CYLC2: variants seen among roughly 807,000 people sequenced by gnomAD.
The protein encoded by CYLC2 is cylicin 2, also known as cylicin-2.
Under a neutral mutation model 26.1 loss-of-function variants are expected in CYLC2, and 30 were observed. The ratio of observed to expected loss-of-function variants is 1.15; its 90% CI spans 0.86 to 1.56. The LOEUF (loss-of-function observed/expected upper bound fraction) is 1.56, where lower values mean the gene tolerates loss of function less well. Among genes scored for constraint, CYLC2 ranks in the 40% most tolerant of loss-of-function variants. CYLC2 has a pLI of 0.00. For missense variants in CYLC2, 498 were observed against 394.4 expected, an observed-to-expected ratio of 1.26 and a Z score of -2.23; for synonymous variants, 158 against 132.8, an observed-to-expected ratio of 1.19 and a Z score of -1.31.
chr9:103,003,072 C>A (rs1184326797), intron 2 of CYLC2, 70 bp from the exon 3 acceptor site: 4 of 1,575,698 alleles, frequency 2.5e-6, no homozygotes, highest in Non-Finnish European at 8.6e-7. Context: ...ATACGTTGCA[C>A]GTAATGCCAT....
At chr9:103,013,762 A>G (rs1162595646) in intron 6 of CYLC2, among the ~76,000 whole-genome samples, 57 of 107,056 alleles carry the variant, frequency 5.3e-4, no homozygotes, top group African/African-American at 2.1e-3. Flanking sequence ...ATATATAATT[A>G]TATTTTATAT....
At chr9:103,002,496 G>T (rs753552269) in intron 2 of CYLC2, among the ~76,000 whole-genome samples, 1 of 151,150 alleles carries the variant, frequency 6.6e-6, no homozygotes, top group Non-Finnish European at 1.5e-5. Context: ...CTCCTGAGTA[G>T]CTGAGACTAC....
intron 6 of CYLC2, among the ~76,000 whole-genome samples, chr9:103,012,429 T>C (rs1021762366): frequency 3.3e-5 from 5 of 152,066 alleles, no homozygotes; most frequent in African/African-American, 1.2e-4. Context: ...ACATATTGAA[T>C]ATGGTATCTG....
chr9:103,015,277 A>G (rs1306303703), intron 6 of CYLC2, among the ~76,000 whole-genome samples: 1 of 115,118 alleles, frequency 8.7e-6, no homozygotes, highest in South Asian at 2.5e-4. Flanking sequence ...ATATATTTAT[A>G]TATTATATAA....
At chr9:103,014,306 A>G (rs1829461500) in intron 6 of CYLC2, among the ~76,000 whole-genome samples, 1 of 133,986 alleles carries the variant, frequency 7.5e-6, no homozygotes. Context: ...TTACATATAT[A>G]TTACATTGTA....
chr9:103,005,215 A>C lies in CYLC2; in HGVS notation c.584A>C (p.Asp195Ala). ...AAAGATAACAAAAAAGATAAAAAGG[A>C]TTCAAACAAAGGCAAAGACTCGGCA... The part of the protein sequence containing the change: ...AKKDNKKDKK[D>A]SNKGKDSATE... Residue 195 changes from aspartate (D) to alanine (A), a missense_variant, in exon 5 of 8, where the codon GAT becomes GCT. By Grantham distance (126) the Asp-to-Ala change is moderately radical (BLOSUM62 -2). Coordinates refer to ENST00000374798, the MANE Select transcript of CYLC2 (RefSeq NM_001340.5). The C allele has an allele frequency of 6.2e-7, 1 of 1,609,756 alleles. No individual in the cohort carries two copies. The highest frequency in any genetic ancestry group is 1.3e-5 in the African/African-American group (1 of 74,454).
intron 1 of CYLC2, among the ~76,000 whole-genome samples, chr9:102,997,446 A>G (rs747742898): frequency 1.3e-4 from 20 of 151,990 alleles, no homozygotes; most frequent in Non-Finnish European, 2.8e-4. Flanking sequence ...GAATCTTACT[A>G]CACACAGAGC....
At chr9:103,001,144 T>G (rs1253119219) in intron 1 of CYLC2, among the ~76,000 whole-genome samples, 1 of 151,882 alleles carries the variant, frequency 6.6e-6, no homozygotes, top group Non-Finnish European at 1.5e-5. Flanking sequence ...TGCTTTTACA[T>G]AAGCGTAGAG....
rs201304746 is a variant in CYLC2, at chr9:103,006,017, G to GACACAC, written c.*389_*394dup. 3,899 of 119,894 alleles carry GACACAC rather than the reference G, an allele frequency of 0.033. 146 individuals are homozygous for GACACAC. Among genetic ancestry groups the GACACAC allele is most frequent in the East Asian group, 0.076 (332 of 4,372 alleles). 7.4% of individuals were successfully genotyped at this position (119,894 alleles called of 1,614,324 possible). On this transcript the variant is annotated 3_prime_UTR_variant, in exon 5 of 8. Transcript: ENST00000374798. Reference sequence around the variant, plus strand: ...TGAAGATAATGACACTAAATCTATGGACACACACACACACACACACACACA... The same window carrying GACACAC: ...TGAAGATAATGACACTAAATCTATGGACACACACACACACACACACACACACACACA...
At chr9:103,011,638 G>A (rs1394002923) in intron 5 of CYLC2, among the ~76,000 whole-genome samples, 1 of 152,028 alleles carries the variant, frequency 6.6e-6, no homozygotes, top group Non-Finnish European at 1.5e-5. Context: ...CTTTGCAAGA[G>A]ATGGCAAAAT....
intron 6 of CYLC2, among the ~76,000 whole-genome samples, chr9:103,013,262 T>TTATATATATTATTTAATGTGTTATATA (rs1554713554): frequency 1.5e-4 from 16 of 109,590 alleles, no homozygotes; most frequent in Non-Finnish European, 2.2e-4. Flanking sequence ...ATTTAATGTG[T>TTATATATATTATTTAATGTGTTATATA]TATATATATT....
chr9:103,014,426 C>CGTAATATACAT (rs1829464482), intron 6 of CYLC2, among the ~76,000 whole-genome samples: 1 of 86,296 alleles, frequency 1.2e-5, no homozygotes, highest in African/African-American at 3.9e-5. Context: ...AACATAATAA[C>CGTAATATACAT]ATAATGTATA....
chr9:103,013,165 T>TATAAATATATATTTAATATATTAC (rs1829428873), intron 6 of CYLC2, among the ~76,000 whole-genome samples: 1 of 135,644 alleles, frequency 7.4e-6, no homozygotes, highest in Admixed American at 8.3e-5. Context: ...ATATATATTA[T>TATAAATATATATTTAATATATTAC]ATAAATATAT....
At chr9:103,003,103 A>T in intron 2 of CYLC2, 39 bp from the exon 3 acceptor site, 1 of 1,608,670 alleles carries the variant, frequency 6.2e-7, no homozygotes. Flanking sequence ...ATGGAATTCT[A>T]TTCACTCCAA....
Position 103,004,667 on chromosome 9 carries a change from G to C in CYLC2, c.181-28G>C, listed in dbSNP as rs376920776. On this transcript the variant is annotated intron_variant, in intron 3 of 7. Transcript: ENST00000374798. ...AAACTGTGTTATTCACTCACAAGTT[G>C]TTCATCATTATTGTAACCATCTTTC... The C allele has an allele frequency of 7.4e-5, 113 of 1,522,170 alleles. No individual in the cohort carries two copies. The Middle Eastern group carries it at 1.0e-3, about 14-fold the overall frequency. The allele number at this position is 1,522,170 out of a possible 1,614,324, so 94.3% of individuals were successfully genotyped here. A position where few individuals can be genotyped will look rare whatever the true frequency, so the allele number is the denominator to read the frequency against.
At chr9:103,013,395 A>G (rs1226684085) in intron 6 of CYLC2, among the ~76,000 whole-genome samples, 2 of 103,490 alleles carry the variant, frequency 1.9e-5, no homozygotes, top group Admixed American at 1.4e-4. Context: ...AATATATATT[A>G]TATAAATATA....
chr9:103,013,873 A>C lies in CYLC2; in HGVS notation c.*816+1776A>C, dbSNP rs1396698166. 2.7e-3 allele frequency among the ~76,000 whole-genome samples: 309 copies of C among 113,518 alleles called. 2 individuals carry two copies. Among genetic ancestry groups the C allele is most frequent in the Non-Finnish European group, 4.6e-3 (283 of 62,026 alleles). The allele number at this position is 113,518 out of a possible 152,430, so 74.5% of individuals were successfully genotyped here. A position where few individuals can be genotyped will look rare whatever the true frequency, so the allele number is the denominator to read the frequency against. The stretch of plus-strand genomic sequence containing the variant: ...TACAATGTATTATATATTATATATT[A>C]TACATATAATAAATAATATATTATA... On this transcript the variant is annotated intron_variant, in intron 6 of 7. Coordinates refer to ENST00000374798, the MANE Select transcript of CYLC2 (RefSeq NM_001340.5).
intron 1 of CYLC2, among the ~76,000 whole-genome samples, chr9:102,996,078 T>C (rs1388779798): frequency 1.3e-5 from 2 of 151,864 alleles, no homozygotes; most frequent in African/African-American, 4.8e-5. Context: ...AGTTTTGTAA[T>C]ATAAAGTATG....
intron 1 of CYLC2, among the ~76,000 whole-genome samples, chr9:102,998,400 T>C (rs1162486932): frequency 6.6e-6 from 1 of 151,810 alleles, no homozygotes; most frequent in Non-Finnish European, 1.5e-5. Context: ...AATAAGACAG[T>C]TTGTAAGTTT....
Sources: allele counts gnomAD v4.1 joint callset (sites outside exome capture counted in the v4.1 genomes callset), GRCh38; gene constraint gnomAD v4.1.1; transcripts MANE v1.5; gene names NCBI Gene and HGNC (gene_info 2026-07-23, HGNC 2026-07-21).